The following CMSS1 variants were observed in gnomAD, a reference collection of about 807,000 sequenced individuals.
CMSS1 encodes protein CMSS1.
In CMSS1, 33 loss-of-function variants were observed where a neutral mutation model predicts 43.5. The observed-to-expected ratio is 0.76, with a 90% CI of 0.57 to 1.01. The LOEUF (loss-of-function observed/expected upper bound fraction) is 1.01. Among genes scored for constraint, CMSS1 ranks in the 50% least tolerant of loss-of-function variants. CMSS1 has a pLI of 0.00. For synonymous variants in CMSS1, 115 were observed against 117.2 expected, an observed-to-expected ratio of 0.98 and a Z score of 0.12; for missense variants, 313 against 326.4, an observed-to-expected ratio of 0.96 and a Z score of 0.32.
At chr3:99,926,886 T>G (rs1707309247) in intron 1 of CMSS1, among the ~76,000 whole-genome samples, 1 of 152,212 alleles carries the variant, frequency 6.6e-6, no homozygotes, top group Non-Finnish European at 1.5e-5. Flanking sequence ...CTTCATTTAT[T>G]CCATGACCCC....
chr3:99,848,135 C>A, intron 1 of CMSS1: 1 of 1,487,328 alleles, frequency 6.7e-7, no homozygotes, highest in East Asian at 2.4e-5. Flanking sequence ...CAGTTAGTTT[C>A]AGATACTCTT....
chr3:99,947,903 A>G (rs939090144), intron 1 of CMSS1, among the ~76,000 whole-genome samples: 2 of 152,174 alleles, frequency 1.3e-5, no homozygotes, highest in Non-Finnish European at 2.9e-5. Flanking sequence ...CCTTTCATGG[A>G]GGAAGCTGTT....
At chr3:100,085,777 T>C (rs2065999721) in intron 1 of CMSS1, among the ~76,000 whole-genome samples, 1 of 152,196 alleles carries the variant, frequency 6.6e-6, no homozygotes, top group Admixed American at 6.5e-5. Flanking sequence ...CCCTCCTAAG[T>C]GGCCAAATAA....
At chr3:100,097,512 T>C (rs2066231781) in intron 1 of CMSS1, among the ~76,000 whole-genome samples, 1 of 152,170 alleles carries the variant, frequency 6.6e-6, no homozygotes, top group African/African-American at 2.4e-5. Context: ...ACACAGTATA[T>C]CTCTCTATTT....
intron 1 of CMSS1, among the ~76,000 whole-genome samples, chr3:100,117,909 A>T (rs2066590028): frequency 6.9e-6 from 1 of 144,456 alleles, no homozygotes; most frequent in Non-Finnish European, 1.5e-5. Flanking sequence ...CTCAGGCTTA[A>T]AGACGATTGA....
intron 1 of CMSS1, among the ~76,000 whole-genome samples, chr3:100,122,418 A>C (rs2066629019): frequency 1.3e-5 from 2 of 152,238 alleles, no homozygotes; most frequent in Admixed American, 1.3e-4. Context: ...CACCCAGGGT[A>C]CTTCTTAGTT....
intron 1 of CMSS1, among the ~76,000 whole-genome samples, chr3:99,829,047 A>G (rs1472196193): frequency 1.3e-5 from 2 of 152,036 alleles, no homozygotes; most frequent in African/African-American, 4.8e-5. Flanking sequence ...CAGTGGCATT[A>G]GTGCAATGAG....
At chr3:99,919,483 G>T (rs867261547) in intron 1 of CMSS1, among the ~76,000 whole-genome samples, 5 of 150,506 alleles carry the variant, frequency 3.3e-5, no homozygotes, top group African/African-American at 7.4e-5. Flanking sequence ...GTTTTGTTTT[G>T]TTTCAGTTAA....
intron 1 of CMSS1, among the ~76,000 whole-genome samples, chr3:99,890,183 T>C (rs1357228833): frequency 6.6e-6 from 1 of 152,146 alleles, no homozygotes. Flanking sequence ...GTCAGTACAT[T>C]GAAGATATTA....
At chr3:99,974,827 C>T (rs1290922315) in intron 1 of CMSS1, among the ~76,000 whole-genome samples, 2 of 152,112 alleles carry the variant, frequency 1.3e-5, no homozygotes, top group Non-Finnish European at 2.9e-5. Flanking sequence ...ATAATTTAGT[C>T]CTTAGGAGAT....
intron 1 of CMSS1, among the ~76,000 whole-genome samples, chr3:99,988,341 C>CAA (rs63321762): frequency 0.019 from 1,176 of 62,246 alleles, 55 homozygotes; most frequent in Non-Finnish European, 0.028. Flanking sequence ...ACTAAAAATC[C>CAA]AAAAAAAAAA....
intron 5 of CMSS1, 57 bp downstream of exon 5, chr3:100,166,451 G>T (rs1371695714): frequency 3.3e-6 from 4 of 1,198,122 alleles, no homozygotes; most frequent in Non-Finnish European, 4.9e-6. Context: ...CTCTGGTTTT[G>T]GGAATTTAGG....
At chr3:100,101,030 A>G (rs530630898) in intron 1 of CMSS1, among the ~76,000 whole-genome samples, 66 of 152,292 alleles carry the variant, frequency 4.3e-4, no homozygotes, top group African/African-American at 1.5e-3. Flanking sequence ...CATGTAGGAT[A>G]GCAGCCTTCA....
At chr3:99,937,851 G>A (rs1707728648) in intron 1 of CMSS1, among the ~76,000 whole-genome samples, 2 of 152,152 alleles carry the variant, frequency 1.3e-5, no homozygotes, top group Admixed American at 6.5e-5. Context: ...CACATGCCAG[G>A]CACTGTTTTA....
chr3:99,945,074 A>C (rs1011908007), intron 1 of CMSS1, among the ~76,000 whole-genome samples: 2 of 152,310 alleles, frequency 1.3e-5, no homozygotes, highest in South Asian at 4.1e-4. Context: ...ATCAAAAAGC[A>C]TCAAGGAAAA....
chr3:100,096,529 T>A (rs2066212001), intron 1 of CMSS1, among the ~76,000 whole-genome samples: 1 of 147,370 alleles, frequency 6.8e-6, no homozygotes, highest in Non-Finnish European at 1.5e-5. Context: ...AAACATCACA[T>A]GTTCTGACTT....
intron 1 of CMSS1, among the ~76,000 whole-genome samples, chr3:99,990,970 C>A (rs1709493066): frequency 6.6e-6 from 1 of 152,072 alleles, no homozygotes; most frequent in African/African-American, 2.4e-5. Flanking sequence ...AAAGTCTCTG[C>A]CTTTTGGGAA....
At chr3:100,096,896 C>T (rs1362035869) in intron 1 of CMSS1, among the ~76,000 whole-genome samples, 1 of 152,098 alleles carries the variant, frequency 6.6e-6, no homozygotes, top group East Asian at 1.9e-4. Flanking sequence ...TATACACCTA[C>T]TATGTACCCA....
At chr3:99,900,805 T>C (rs1706411013) in intron 1 of CMSS1, among the ~76,000 whole-genome samples, 1 of 152,216 alleles carries the variant, frequency 6.6e-6, no homozygotes, top group African/African-American at 2.4e-5. Flanking sequence ...TCTGACCTAA[T>C]TGATGTGCCC....
Sources: gnomAD v4.1 joint callset for allele counts (sites outside exome capture counted in the v4.1 genomes callset) on GRCh38, gnomAD v4.1.1 for gene constraint, MANE v1.5 for transcripts, NCBI Gene and HGNC (gene_info 2026-07-23, HGNC 2026-07-21) for gene names.